PRH1: variants seen among roughly 807,000 people sequenced by gnomAD.
The protein encoded by PRH1 is proline rich protein HaeIII subfamily 1.
A neutral mutation model predicts 7.9 loss-of-function variants in PRH1; 7 were observed. That is an observed-to-expected ratio of 0.89 (90% confidence interval 0.50 to 1.67). The LOEUF is 1.67. PRH1 is among the 40% of genes most tolerant of loss of function. The pLI, the probability that PRH1 is intolerant of heterozygous loss-of-function variation, is 0.00. For missense variants in PRH1, 109 were observed against 223.6 expected (o/e 0.49, Z 3.27); for synonymous variants, 45 against 80.8 (o/e 0.56, Z 2.38).
At chr12:11,022,193 T>C (rs754802603) in intron 1 of PRH1, 8 of 1,613,930 alleles carry the variant, frequency 5.0e-6, no homozygotes, top group Non-Finnish European at 6.8e-6. Context: ...AGAACAACAC[T>C]CTTAATTCTC....
intron 2 of PRH1, among the ~76,000 whole-genome samples, chr12:10,903,931 C>CAAAAAAAAAAAACAAAAAAA (rs1949760533): frequency 3.2e-5 from 1 of 31,098 alleles, no homozygotes; most frequent in South Asian, 2.5e-3. Context: ...ACAATAGCCT[C>CAAAAAAAAAAAACAAAAAAA]AAAAAAAAAA....
intron 1 of PRH1, among the ~76,000 whole-genome samples, chr12:11,060,428 A>T (rs561236830): frequency 6.6e-6 from 1 of 152,142 alleles, no homozygotes; most frequent in Admixed American, 6.5e-5. Flanking sequence ...GAAGTTTAGA[A>T]GGAATTTTAT....
At chr12:11,011,539 C>A (rs1466582030) in intron 1 of PRH1, among the ~76,000 whole-genome samples, 1 of 152,072 alleles carries the variant, frequency 6.6e-6, no homozygotes, top group Non-Finnish European at 1.5e-5. Flanking sequence ...CCTTGTTTAA[C>A]CTCTCCATAA....
intron 2 of PRH1, among the ~76,000 whole-genome samples, chr12:10,893,140 T>C (rs779044863): frequency 6.6e-6 from 1 of 152,240 alleles, no homozygotes; most frequent in Non-Finnish European, 1.5e-5. Context: ...TGCTGGATAA[T>C]TCTGTTGTGA....
chr12:11,045,809 AT>A (rs1275797837), intron 1 of PRH1, among the ~76,000 whole-genome samples: 2 of 152,166 alleles, frequency 1.3e-5, no homozygotes, highest in Admixed American at 6.5e-5. Context: ...CTAATATTAA[AT>A]TCAGTGAGTT....
chr12:11,141,954 A>AT (rs1192606185), intron 1 of PRH1, among the ~76,000 whole-genome samples: 3 of 151,530 alleles, frequency 2.0e-5, no homozygotes, highest in East Asian at 3.9e-4. Context: ...CATCCAGATA[A>AT]TTTTTTTTTA....
At chr12:11,160,511 C>T (rs1947382574) in intron 1 of PRH1, among the ~76,000 whole-genome samples, 1 of 152,154 alleles carries the variant, frequency 6.6e-6, no homozygotes. Flanking sequence ...GACTCCATCA[C>T]ACAGGCTGTA....
chr12:11,079,464 AC>A (rs1336555127), intron 1 of PRH1, among the ~76,000 whole-genome samples: 1 of 118,206 alleles, frequency 8.5e-6, no homozygotes, highest in East Asian at 2.1e-4. Flanking sequence ...AAGATGCAGT[AC>A]ATGGCCCGTC....
At chr12:11,138,539 CTATATATG>C in intron 1 of PRH1, among the ~76,000 whole-genome samples, 3 of 152,098 alleles carry the variant, frequency 2.0e-5, no homozygotes, top group African/African-American at 7.2e-5. Flanking sequence ...CATAATAGGT[CTATATATG>C]TAATATCCAT....
Position 11,055,651 on chromosome 12 carries a change from T to G in PRH1, n.124-8463A>C, listed in dbSNP as rs185075714. On this transcript the variant is annotated intron_variant and non_coding_transcript_variant, in intron 1 of 4. Coordinates refer to the PRH1 transcript ENST00000541977. ...GCTGATGTTGAAGTAAAAGCTGAAT[T>G]CTCATTTGCCAGCATGCAAATCAGG... 1.6e-3 allele frequency among the ~76,000 whole-genome samples: 241 copies of G among 152,324 alleles called. 8 individuals are homozygous for G. The highest frequency in any genetic ancestry group is 0.016 in the Admixed American group (239 of 15,292).
At chr12:11,130,107 T>C (rs896945519) in intron 1 of PRH1, among the ~76,000 whole-genome samples, 5 of 152,234 alleles carry the variant, frequency 3.3e-5, no homozygotes, top group African/African-American at 1.2e-4. Flanking sequence ...GCTGTGATCC[T>C]GCCACTGCAT....
intron 1 of PRH1, among the ~76,000 whole-genome samples, chr12:10,976,721 TGACAAAGGG>T (rs1939117725): frequency 6.6e-6 from 1 of 150,502 alleles, no homozygotes; most frequent in South Asian, 2.1e-4. Flanking sequence ...CTTTCAGAAA[TGACAAAGGG>T]GACATTACCA....
chr12:10,971,100 C>T (rs1938793719), intron 2 of PRH1, among the ~76,000 whole-genome samples: 1 of 140,354 alleles, frequency 7.1e-6, no homozygotes, highest in African/African-American at 2.6e-5. Flanking sequence ...ACTTTACTCC[C>T]CGTGTTTACC....
intron 1 of PRH1, chr12:10,998,024 C>G (rs770347955): frequency 6.4e-5 from 37 of 579,136 alleles, no homozygotes; most frequent in Non-Finnish European, 9.7e-5. Flanking sequence ...ACAATGTCAA[C>G]AGAAAAGCAC....
rs1565725728 is a variant in PRH1 at position 11,168,283 on chromosome 12, AGAAAGAAAGAAAGAAAGAAGGAAG to A, written n.39+3115_39+3138del. On this transcript the variant is annotated intron_variant and non_coding_transcript_variant, in intron 1 of 1. Transcript: ENST00000541175. ...AAGAAAGAAAGAAAGAAAGAAAGAA[AGAAAGAAAGAAAGAAAGAAGGAAG>A]GAAGGAAGGAAGGAAGGAAGGAAGG... Among the ~76,000 whole-genome samples, 155 of 32,416 alleles carry A rather than the reference AGAAAGAAAGAAAGAAAGAAGGAAG, an allele frequency of 4.8e-3. 43 individuals are homozygous for A. Among genetic ancestry groups the A allele is most frequent in the Middle Eastern group, 0.028 (2 of 72 alleles). 21.3% of individuals were successfully genotyped at this position (32,416 alleles called of 152,430 possible). A position where few individuals can be genotyped will look rare whatever the true frequency, so the allele number is the denominator to read the frequency against.
At chr12:11,144,463 T>C (rs1946805665) in intron 1 of PRH1, among the ~76,000 whole-genome samples, 1 of 152,084 alleles carries the variant, frequency 6.6e-6, no homozygotes, top group Admixed American at 6.6e-5. Context: ...ACAGCACCGA[T>C]TCTATTTCCA....
At chr12:10,916,010 A>G (rs183968634) in intron 2 of PRH1, among the ~76,000 whole-genome samples, 1 of 152,350 alleles carries the variant, frequency 6.6e-6, no homozygotes, top group East Asian at 1.9e-4. Flanking sequence ...GACATACACA[A>G]GACTAAGTAA....
chr12:11,007,450 A>G lies in PRH1; in HGVS notation c.-125-33729T>C, dbSNP rs74062419. ...CAGACCAGAATAATATTTATCAAAC[A>G]TATTTCTCATGCTTAGGCCTTTGGT... On this transcript the variant is annotated intron_variant, in intron 1 of 3. Transcript: ENST00000539853. 6.9e-3 allele frequency among the ~76,000 whole-genome samples: 1,045 copies of G among 152,246 alleles called. 13 individuals carry two copies. The highest frequency in any genetic ancestry group is 0.024 in the African/African-American group (1,000 of 41,570).
At chr12:10,938,532 C>CT (rs35926739) in intron 2 of PRH1, 9 of 1,614,002 alleles carry the variant, frequency 5.6e-6, no homozygotes, top group Non-Finnish European at 7.6e-6. Context: ...CCTCTGTGGG[C>CT]TTTGGTGCTG....
Sources: gnomAD v4.1 joint callset for allele counts (sites outside exome capture counted in the v4.1 genomes callset) on GRCh38, gnomAD v4.1.1 for gene constraint, MANE v1.5 for transcripts, NCBI Gene and HGNC (gene_info 2026-07-23, HGNC 2026-07-21) for gene names.